KIF26B: variants seen among roughly 807,000 people sequenced by gnomAD.
The protein encoded by KIF26B is kinesin-like protein KIF26B.
Under a neutral mutation model 151.2 loss-of-function variants are expected in KIF26B, and 63 were observed. The observed-to-expected ratio is 0.42, with a 90% confidence interval of 0.34 to 0.51. KIF26B has a LOEUF of 0.51. Among genes scored for constraint, KIF26B ranks in the 20% least tolerant of loss-of-function variants. The pLI is 0.07. For synonymous variants in KIF26B, 1,357 were observed against 1,262.1 expected, an observed-to-expected ratio of 1.08 and a Z score of -1.59; for missense variants, 2,813 against 2,913.6, an observed-to-expected ratio of 0.97 and a Z score of 0.79.
intron 2 of KIF26B, among the ~76,000 whole-genome samples, chr1:245,354,902 A>G (rs1477020969): frequency 6.6e-6 from 1 of 152,116 alleles, no homozygotes; most frequent in Non-Finnish European, 1.5e-5. Context: ...CTAGGACTGG[A>G]TGATTTTTAT....
chr1:245,464,848 G>A (rs1000937365), intron 4 of KIF26B, among the ~76,000 whole-genome samples: 4 of 152,154 alleles, frequency 2.6e-5, no homozygotes, highest in African/African-American at 4.8e-5. Context: ...TCAATTGTGA[G>A]CAGAGAGCAG....
chr1:245,262,594 A>G (rs1341254787), intron 2 of KIF26B, among the ~76,000 whole-genome samples: 1 of 152,034 alleles, frequency 6.6e-6, no homozygotes, highest in African/African-American at 2.4e-5. Flanking sequence ...AGCTGGGATT[A>G]CAGGCATGCA....
At chr1:245,261,504 C>CCT (rs1558366109) in intron 2 of KIF26B, among the ~76,000 whole-genome samples, 1 of 98,016 alleles carries the variant, frequency 1.0e-5, no homozygotes, top group African/African-American at 4.4e-5. Context: ...TCTCTCTCTC[C>CCT]CTCCCTCCCT....
chr1:245,614,616 G>A (rs2043564802), intron 9 of KIF26B, among the ~76,000 whole-genome samples: 1 of 152,234 alleles, frequency 6.6e-6, no homozygotes, highest in African/African-American at 2.4e-5. Context: ...GCTGCCTCCA[G>A]TGGCTGCTGT....
intron 9 of KIF26B, among the ~76,000 whole-genome samples, chr1:245,641,023 G>C (rs920265837): frequency 5.3e-5 from 8 of 152,072 alleles, no homozygotes; most frequent in African/African-American, 1.9e-4. Context: ...ATTTATCATA[G>C]GCTAGGTCTG....
rs6701084 is a variant in KIF26B, at chr1:245,688,002, A to G, written c.5019A>G (p.Thr1673=). 0.98 allele frequency: 1,535,500 copies of G among 1,566,092 alleles called. 752,833 individuals carry two copies. Among genetic ancestry groups the G allele is most frequent in the East Asian group, 1 (41,749 of 41,754 alleles). ...ASRSNSLGRA[T]VSHYECLSLE... Reference sequence around the variant, plus strand: ...GAAGCAACTCGCTGGGCAGGGCGACAGTCAGCCACTACGAATGCCTCTCCC... The same window carrying G: ...GAAGCAACTCGCTGGGCAGGGCGACGGTCAGCCACTACGAATGCCTCTCCC... Residue 1673 remains threonine (T), a synonymous_variant, in exon 12 of 15, where the codon ACA becomes ACG. Transcript: ENST00000407071.
chr1:245,467,072 C>T (rs1659809468), intron 4 of KIF26B, among the ~76,000 whole-genome samples: 1 of 152,184 alleles, frequency 6.6e-6, no homozygotes, highest in African/African-American at 2.4e-5. Context: ...TGGGTCCAAC[C>T]AGATGCTAAA....
chr1:245,569,236 C>T (rs1183572746), intron 5 of KIF26B, among the ~76,000 whole-genome samples: 1 of 152,120 alleles, frequency 6.6e-6, no homozygotes, highest in Non-Finnish European at 1.5e-5. Flanking sequence ...CATTGACTGT[C>T]TCCCAAAGTA....
At chr1:245,624,998 A>G (rs1325996561) in intron 9 of KIF26B, among the ~76,000 whole-genome samples, 1 of 152,090 alleles carries the variant, frequency 6.6e-6, no homozygotes, top group Admixed American at 6.5e-5. Flanking sequence ...TAGTATCCAA[A>G]ATTTCCAGTA....
At position 245,708,216 on chromosome 1, in the gene KIF26B, C is replaced by A. The variant is rs2044865820; in HGVS notation, c.*5610C>A. 6.6e-6 allele frequency: 1 copy of A among 152,138 alleles called. No individual in the cohort carries two copies. 9.4% of individuals were successfully genotyped at this position (152,138 alleles called of 1,614,324 possible). On this transcript the variant is annotated 3_prime_UTR_variant, in exon 15 of 15. Coordinates refer to ENST00000407071, the MANE Select transcript of KIF26B (RefSeq NM_018012.4). The stretch of plus-strand genomic sequence containing the variant: ...GGAAGACTGGGGGTCAGAACAGCTG[C>A]CCTTCTGGGAGAGCATCAAGAGAAA...
intron 3 of KIF26B, among the ~76,000 whole-genome samples, chr1:245,368,024 G>A (rs1202027506): frequency 6.6e-6 from 1 of 152,160 alleles, no homozygotes; most frequent in African/African-American, 2.4e-5. Context: ...TGGAAGTGCT[G>A]GACATTGCTG....
chr1:245,501,257 TA>T (rs2103078878), intron 4 of KIF26B, among the ~76,000 whole-genome samples: 1 of 152,346 alleles, frequency 6.6e-6, no homozygotes, highest in East Asian at 1.9e-4. Context: ...GAAAAGGTCT[TA>T]ACTTCTTTGT....
intron 4 of KIF26B, among the ~76,000 whole-genome samples, chr1:245,524,918 G>A (rs1486555533): frequency 6.6e-6 from 1 of 152,114 alleles, no homozygotes; most frequent in Non-Finnish European, 1.5e-5. Context: ...GGGACACTTT[G>A]CATTCTCTGT....
intron 2 of KIF26B, among the ~76,000 whole-genome samples, chr1:245,169,713 C>T (rs923717963): frequency 1.1e-4 from 17 of 152,036 alleles, no homozygotes; most frequent in African/African-American, 1.9e-4. Context: ...GGAAGTTGCC[C>T]GGCTGTGGGC....
At chr1:245,668,899 C>G (rs1307721399) in intron 10 of KIF26B, among the ~76,000 whole-genome samples, 3 of 152,056 alleles carry the variant, frequency 2.0e-5, no homozygotes, top group Non-Finnish European at 4.4e-5. Flanking sequence ...CCATGTTGGC[C>G]AGGCTGGTCG....
intron 5 of KIF26B, among the ~76,000 whole-genome samples, chr1:245,565,013 T>C (rs1715775): frequency 0.53 from 79,839 of 151,976 alleles, 23,290 homozygotes; most frequent in African/African-American, 0.8. Flanking sequence ...TAGGGAGCCC[T>C]GCTCTGTTAC....
chr1:245,156,468 TC>T lies in KIF26B; in HGVS notation c.254del (p.Pro85ArgfsTer60). ...CTCGTCCCCGAGCTCGTTCACCGGC[TC>T]CCCGGGACCCGCCTCCCCCGGCATC... Reference protein sequence around the residue: ...GTSSPSSFTGSPGPASPGIGT... With the variant: ...GTSSPSSFTGXPGPASPGIGT... On this transcript the variant is annotated frameshift_variant, in exon 2 of 15. Transcript: ENST00000407071. LOFTEE classifies it high-confidence loss of function. The T allele has an allele frequency of 6.6e-7, 1 of 1,524,220 alleles. No individual in the cohort carries two copies. The allele number at this position is 1,524,220 out of a possible 1,614,324, so 94.4% of individuals were successfully genotyped here.
intron 4 of KIF26B, among the ~76,000 whole-genome samples, chr1:245,487,796 G>T (rs1279736198): frequency 1.4e-5 from 2 of 141,010 alleles, no homozygotes; most frequent in African/African-American, 5.4e-5. Flanking sequence ...CAAGAGTCTC[G>T]CTCTGTCTCA....
intron 2 of KIF26B, among the ~76,000 whole-genome samples, chr1:245,280,121 G>T (rs572854020): frequency 6.6e-6 from 1 of 151,982 alleles, no homozygotes; most frequent in Admixed American, 6.6e-5. Flanking sequence ...CCCATTGGGC[G>T]CCCCATTTCA....
Sources: allele counts gnomAD v4.1 joint callset (sites outside exome capture counted in the v4.1 genomes callset), GRCh38; gene constraint gnomAD v4.1.1; transcripts MANE v1.5; gene names NCBI Gene and HGNC (gene_info 2026-07-23, HGNC 2026-07-21).